Variants in ADORA2B observed in about 807,000 individuals in gnomAD.
ADORA2B encodes adenosine A2b receptor.
Under a neutral mutation model 20.8 loss-of-function variants are expected in ADORA2B, and 18 were observed. The ratio of observed to expected loss-of-function variants is 0.87; its 90% CI spans 0.60 to 1.29. The LOEUF is 1.29. ADORA2B is among the 50% of genes most tolerant of loss of function. The pLI is 0.00. For synonymous variants in ADORA2B, 179 were observed against 178.3 expected, an observed-to-expected ratio of 1.00 and a Z score of -0.03; for missense variants, 441 against 422.7, an observed-to-expected ratio of 1.04 and a Z score of -0.38.
At chr17:15,969,125 T>C (rs776819035) in intron 1 of ADORA2B, among the ~76,000 whole-genome samples, 10 of 152,152 alleles carry the variant, frequency 6.6e-5, no homozygotes, top group Non-Finnish European at 8.8e-5. Flanking sequence ...CCCTGCATCC[T>C]CCACCTCCTC....
chr17:15,893,773 CCAA>C, the ADORA2B span, among the ~76,000 whole-genome samples: 1 of 152,136 alleles, frequency 6.6e-6, no homozygotes, highest in Non-Finnish European at 1.5e-5. Flanking sequence ...ACTGTTTAAC[CCAA>C]CATAGCGCAG....
chr17:15,930,909 C>A, the ADORA2B span, among the ~76,000 whole-genome samples: 1 of 152,230 alleles, frequency 6.6e-6, no homozygotes, highest in African/African-American at 2.4e-5. Context: ...GGCCTGACAG[C>A]ACTTGTTTGG....
chr17:15,936,677 C>T, the ADORA2B span, among the ~76,000 whole-genome samples: 1 of 152,188 alleles, frequency 6.6e-6, no homozygotes, highest in Non-Finnish European at 1.5e-5. Context: ...GTCTAGGCCT[C>T]AGGCGCAGTG....
intron 1 of ADORA2B, among the ~76,000 whole-genome samples, chr17:15,963,981 G>C (rs974496002): frequency 1.3e-5 from 2 of 152,206 alleles, no homozygotes; most frequent in Non-Finnish European, 2.9e-5. Context: ...ACAGGAGCCA[G>C]AGCAGCCCGG....
At chr17:15,911,669 T>C in the ADORA2B span, among the ~76,000 whole-genome samples, 1,380 of 152,346 alleles carry the variant, frequency 9.1e-3, 27 homozygotes, top group African/African-American at 0.031. Flanking sequence ...AGAAGGGCCA[T>C]GTGCAACTTA....
the ADORA2B span, among the ~76,000 whole-genome samples, chr17:15,923,562 G>T: frequency 7.3e-5 from 11 of 150,914 alleles, no homozygotes; most frequent in African/African-American, 2.2e-4. Context: ...CCACCACCAC[G>T]CCCGACTAAT....
At chr17:15,880,249 T>C in the ADORA2B span, among the ~76,000 whole-genome samples, 4 of 136,488 alleles carry the variant, frequency 2.9e-5, no homozygotes, top group African/African-American at 1.1e-4. Flanking sequence ...AAGCTTTGAT[T>C]TCTAAGAGAT....
At chr17:15,954,535 G>A (rs1047847423) in intron 1 of ADORA2B, among the ~76,000 whole-genome samples, 1 of 152,126 alleles carries the variant, frequency 6.6e-6, no homozygotes, top group African/African-American at 2.4e-5. Context: ...TGCATTCCAT[G>A]TTCTCTTTCC....
the ADORA2B span, among the ~76,000 whole-genome samples, chr17:15,925,178 G>A: frequency 6.6e-6 from 1 of 152,142 alleles, no homozygotes; most frequent in Non-Finnish European, 1.5e-5. Context: ...TGAGATTATA[G>A]GCGCCTGCCA....
At chr17:15,857,214 G>A in the ADORA2B span, among the ~76,000 whole-genome samples, 8 of 152,186 alleles carry the variant, frequency 5.3e-5, no homozygotes, top group Admixed American at 2.6e-4. Flanking sequence ...GGGCCTGTGG[G>A]TACACAGAAG....
chr17:15,964,797 C>A (rs948979829), intron 1 of ADORA2B, among the ~76,000 whole-genome samples: 1 of 151,364 alleles, frequency 6.6e-6, no homozygotes, highest in African/African-American at 2.4e-5. Flanking sequence ...CGCGGTGGCT[C>A]ACGCCTGTAA....
At chr17:15,941,719 C>T (rs1390546481), upstream of ADORA2B, among the ~76,000 whole-genome samples, 1 of 143,490 alleles carries the variant, frequency 7.0e-6, no homozygotes, top group African/African-American at 2.6e-5. Flanking sequence ...CAGAGTGAGA[C>T]TCTTGTTTCA....
In ADORA2B at chr17:15,975,527, A is replaced by G. The variant is rs1185665802; in HGVS notation, c.*185A>G. 3.3e-6 allele frequency: 2 copies of G among 614,316 alleles called. No homozygotes were observed. The highest frequency in any genetic ancestry group is 5.5e-5 in the East Asian group (2 of 36,260). 38.1% of individuals were successfully genotyped at this position (614,316 alleles called of 1,614,324 possible). A position where few individuals can be genotyped will look rare whatever the true frequency, so the allele number is the denominator to read the frequency against. On this transcript the variant is annotated 3_prime_UTR_variant, in exon 2 of 2. Coordinates refer to ENST00000304222, the MANE Select transcript of ADORA2B (RefSeq NM_000676.4). ...TGTCAGTAGTAGGCTCCAAGGATTG[A>G]CAAATATATTTATGATCTATTCAGC...
the ADORA2B span, among the ~76,000 whole-genome samples, chr17:15,885,307 T>A: frequency 3.9e-5 from 6 of 152,342 alleles, no homozygotes; most frequent in South Asian, 1.2e-3. Context: ...AACATTTAAA[T>A]AGCCACGTGT....
chr17:15,945,072 G>A (rs188498748), upstream of ADORA2B: 1 of 430,274 alleles, frequency 2.3e-6, no homozygotes, highest in East Asian at 4.2e-5. Context: ...GCCGCCTCTT[G>A]GCCGCGGGGG....
the ADORA2B span, among the ~76,000 whole-genome samples, chr17:15,880,369 T>C: frequency 7.3e-6 from 1 of 136,370 alleles, no homozygotes; most frequent in Non-Finnish European, 1.6e-5. Context: ...GCAATACCAA[T>C]ATTACTGTTT....
the ADORA2B span, among the ~76,000 whole-genome samples, chr17:15,878,798 A>G: frequency 2.0e-5 from 3 of 152,206 alleles, no homozygotes; most frequent in African/African-American, 7.2e-5. Flanking sequence ...AGAAATAGAT[A>G]AGAATTATAG....
At chr17:15,948,626 G>A (rs1421400290) in intron 1 of ADORA2B, among the ~76,000 whole-genome samples, 9 of 152,170 alleles carry the variant, frequency 5.9e-5, no homozygotes, top group Non-Finnish European at 4.4e-5. Flanking sequence ...AGTTTCCCTG[G>A]CCCTGTGGCA....
intron 1 of ADORA2B, among the ~76,000 whole-genome samples, chr17:15,969,038 C>T (rs1970154635): frequency 6.6e-6 from 1 of 152,168 alleles, no homozygotes; most frequent in African/African-American, 2.4e-5. Flanking sequence ...CTCAACTGTC[C>T]CACTCCCTGC....
Sources: gnomAD v4.1 joint callset for allele counts (sites outside exome capture counted in the v4.1 genomes callset) on GRCh38, gnomAD v4.1.1 for gene constraint, MANE v1.5 for transcripts, NCBI Gene and HGNC (gene_info 2026-07-23, HGNC 2026-07-21) for gene names.